CTBP2: variants seen among roughly 807,000 people sequenced by gnomAD.
CTBP2 encodes C-terminal binding protein 2.
A neutral mutation model predicts 80.3 loss-of-function variants in CTBP2; 30 were observed. That is an observed-to-expected ratio of 0.37 (90% confidence interval 0.28 to 0.51). The LOEUF is 0.51. Ranked by LOEUF, CTBP2 falls within the 20% of genes least tolerant of loss-of-function variation. CTBP2 has a pLI of 0.93. For missense variants in CTBP2, 1,212 were observed against 1,375.3 expected, an observed-to-expected ratio of 0.88 and a Z score of 1.88; for synonymous variants, 594 against 587.4, an observed-to-expected ratio of 1.01 and a Z score of -0.16.
At chr10:125,032,058 A>C (rs1958292191), upstream of CTBP2, among the ~76,000 whole-genome samples, 1 of 152,142 alleles carries the variant, frequency 6.6e-6, no homozygotes, top group South Asian at 2.1e-4. Flanking sequence ...TCAAAAGAAA[A>C]AAAAAAACAA....
chr10:125,117,941 G>A (rs951726909), intron 1 of CTBP2, among the ~76,000 whole-genome samples: 1 of 152,142 alleles, frequency 6.6e-6, no homozygotes, highest in Non-Finnish European at 1.5e-5. Context: ...TGCCCTCTAG[G>A]CAGAAACTTT....
intron 1 of CTBP2, among the ~76,000 whole-genome samples, chr10:125,024,864 A>G (rs547189343): frequency 6.6e-6 from 1 of 152,352 alleles, no homozygotes; most frequent in African/African-American, 2.4e-5. Context: ...ATCAGACTTC[A>G]AAAAAATCCA....
chr10:125,027,058 C>T lies in CTBP2; in HGVS notation c.702G>A (p.Val234=). The change falls in exon 1 of 9, where the codon GTG becomes GTA. Residue 234 remains valine (V), a synonymous_variant. Coordinates refer to ENST00000309035, the MANE Select transcript of CTBP2 (RefSeq NM_022802.3). ...CGGGGGCAGCAGCTGAACTGGGGTC[C>T]ACAACCAGGCACGTCGGGGCCACCT... 6.2e-7 allele frequency: 1 copy of T among 1,613,016 alleles called. No individual in the cohort carries two copies. The highest frequency in any genetic ancestry group is 8.5e-7 in the Non-Finnish European group (1 of 1,179,390).
intron 1 of CTBP2, among the ~76,000 whole-genome samples, chr10:125,131,258 C>T (rs548294582): frequency 6.6e-6 from 1 of 152,330 alleles, no homozygotes; most frequent in South Asian, 2.1e-4. Context: ...AGATCAGGAG[C>T]GTCTTCATGG....
At chr10:125,078,264 A>AG (rs1043986920) in intron 2 of CTBP2, among the ~76,000 whole-genome samples, 3 of 137,788 alleles carry the variant, frequency 2.2e-5, no homozygotes, top group African/African-American at 5.6e-5. Context: ...TGGGCGACAG[A>AG]GCGAGACTCC....
intron 1 of CTBP2, among the ~76,000 whole-genome samples, chr10:125,126,924 T>TTCTCTCTCTCTC (rs67378138): frequency 3.6e-5 from 5 of 138,562 alleles, no homozygotes; most frequent in Admixed American, 7.1e-5. Context: ...CACACACACA[T>TTCTCTCTCTCTC]TCTCTCTCTC....
Position 124,984,644 on chromosome 10 carries a change from C to G in CTBP2, c.*4874G>C. 1 of 881,472 alleles carries G rather than the reference C, an allele frequency of 1.1e-6. No individual in the cohort carries two copies. Among genetic ancestry groups the G allele is most frequent in the Non-Finnish European group, 1.7e-6 (1 of 586,290 alleles). The allele number at this position is 881,472 out of a possible 1,614,324, so 54.6% of individuals were successfully genotyped here. A position where few individuals can be genotyped will look rare whatever the true frequency, so the allele number is the denominator to read the frequency against. ...TCACAAAACTTCCAAGAGGTCAAAA[C>G]CATGTGAAAAGTTGATTGCTTTGGC... On this transcript the variant is annotated 3_prime_UTR_variant, in exon 9 of 9. Transcript: ENST00000309035.
rs541583897 is a variant in CTBP2 at position 125,027,127 on chromosome 10, G to A, written c.633C>T (p.Phe211=). ...CAATGGGTCTTTCGCTGATGTCGCT[G>A]AAGACCTGGCTGAGGGGGTAGGCAG... The change falls in exon 1 of 9, where the codon TTC becomes TTT. Residue 211 remains phenylalanine (F), a synonymous_variant. Coordinates refer to ENST00000309035, the MANE Select transcript of CTBP2 (RefSeq NM_022802.3). 3.1e-6 allele frequency: 5 copies of A among 1,605,268 alleles called. No homozygotes were observed. The highest frequency in any genetic ancestry group is 1.3e-5 in the African/African-American group (1 of 74,836).
At chr10:125,006,117 T>A in intron 1 of CTBP2, 1 of 828,602 alleles carries the variant, frequency 1.2e-6, no homozygotes, top group Non-Finnish European at 1.6e-6. Context: ...GTTGCCTTTC[T>A]CCTTGGTGAA....
intron 4 of CTBP2, chr10:124,996,898 A>G (rs965251381): frequency 1.3e-5 from 2 of 152,280 alleles, no homozygotes; most frequent in African/African-American, 4.8e-5. Flanking sequence ...AGCACCCGAC[A>G]CTTCAACTCA....
chr10:125,153,797 A>G (rs1860439137), intron 1 of CTBP2, among the ~76,000 whole-genome samples: 1 of 152,226 alleles, frequency 6.6e-6, no homozygotes, highest in Non-Finnish European at 1.5e-5. Flanking sequence ...TTCCTTCCAG[A>G]GAAACTTCCT....
chr10:125,007,310 G>A (rs990371027), intron 1 of CTBP2, among the ~76,000 whole-genome samples: 6 of 152,362 alleles, frequency 3.9e-5, no homozygotes, highest in East Asian at 3.9e-4. Context: ...CCCTCCGTCC[G>A]GGATGTGCTG....
intron 3 of CTBP2, among the ~76,000 whole-genome samples, chr10:125,036,907 C>G (rs962137426): frequency 1.3e-5 from 2 of 152,056 alleles, no homozygotes; most frequent in African/African-American, 4.8e-5. Flanking sequence ...ACAGGTGCCA[C>G]AAGGACTAAG....
At chr10:125,110,028 G>A (rs114891392) in intron 2 of CTBP2, among the ~76,000 whole-genome samples, 175 of 152,298 alleles carry the variant, frequency 1.1e-3, no homozygotes, top group African/African-American at 3.9e-3. Flanking sequence ...GCCCCCTCAG[G>A]TGGTCACCCA....
At chr10:125,092,646 C>A (rs7081340) in intron 2 of CTBP2, among the ~76,000 whole-genome samples, 43,750 of 152,048 alleles carry the variant, frequency 0.29, 6,739 homozygotes, top group African/African-American at 0.36. Context: ...TCCATAGTAG[C>A]AAGTCAGGCC....
Position 125,156,332 on chromosome 10 carries a change from C to G in CTBP2, c.-206+3987G>C, listed in dbSNP as rs559338037. On this transcript the variant is annotated intron_variant, in intron 1 of 10. Coordinates refer to the CTBP2 transcript ENST00000337195. Reference sequence around the variant, plus strand: ...CACATACATTATGATGACAGCCCCTCTCTATGGAAATGACAGTGGTAAAAA... The same window carrying G: ...CACATACATTATGATGACAGCCCCTGTCTATGGAAATGACAGTGGTAAAAA... Among the ~76,000 whole-genome samples, 7 of 152,354 alleles carry G rather than the reference C, an allele frequency of 4.6e-5. No individual in the cohort carries two copies. In the East Asian group the frequency reaches 1.3e-3, roughly 29 times the overall value.
At position 125,109,954 on chromosome 10, in the gene CTBP2, C is replaced by T. The variant is rs116331876; in HGVS notation, c.-102+1036G>A. On this transcript the variant is annotated intron_variant, in intron 2 of 10. Transcript: ENST00000337195. ...TTTATGGAGAAAAGGAAGGGACACA[C>T]AGAGATCCTTTCCTGATCCTACAAC... Among the ~76,000 whole-genome samples, 825 of 152,340 alleles carry T rather than the reference C, an allele frequency of 5.4e-3. 5 individuals are homozygous for T. The highest frequency in any genetic ancestry group is 0.017 in the African/African-American group (706 of 41,578).
At chr10:125,009,312 G>A (rs1165696193) in intron 1 of CTBP2, among the ~76,000 whole-genome samples, 1 of 152,190 alleles carries the variant, frequency 6.6e-6, no homozygotes, top group African/African-American at 2.4e-5. Context: ...TGGCCTGGGA[G>A]GCAGGAGGAG....
intron 2 of CTBP2, chr10:125,100,699 C>G (rs1850483021): frequency 1.3e-5 from 2 of 152,134 alleles, no homozygotes; most frequent in Admixed American, 1.3e-4. Context: ...TAACATAAAA[C>G]TAAAATTAAT....
Sources: allele counts gnomAD v4.1 joint callset (sites outside exome capture counted in the v4.1 genomes callset), GRCh38; gene constraint gnomAD v4.1.1; transcripts MANE v1.5; gene names NCBI Gene and HGNC (gene_info 2026-07-23, HGNC 2026-07-21).